The following CLK4 variants were observed in gnomAD, a reference collection of about 807,000 sequenced individuals.
The protein encoded by CLK4 is dual specificity protein kinase CLK4.
CLK4 carries 37 observed loss-of-function variants against 64.4 expected under a neutral mutation model. The observed-to-expected ratio is 0.57, with a 90% CI of 0.44 to 0.76. The LOEUF (loss-of-function observed/expected upper bound fraction) is 0.76, where lower values mean the gene tolerates loss of function less well. Ranked by LOEUF, CLK4 falls within the 30% of genes least tolerant of loss-of-function variation. CLK4 has a pLI of 0.00. For missense variants in CLK4, 457 were observed against 605.1 expected, an observed-to-expected ratio of 0.76 and a Z score of 2.57; for synonymous variants, 175 against 191.6, an observed-to-expected ratio of 0.91 and a Z score of 0.72.
chr5:178,622,064 C>T (rs964322189), intron 2 of CLK4: 2 of 152,100 alleles, frequency 1.3e-5, no homozygotes, highest in Non-Finnish European at 1.5e-5. Context: ...ATCATGTTTA[C>T]GTAGTTAACT....
chr5:178,611,221 T>C (rs181778958), intron 9 of CLK4, among the ~76,000 whole-genome samples: 1 of 152,260 alleles, frequency 6.6e-6, no homozygotes, highest in Non-Finnish European at 1.5e-5. Flanking sequence ...AAATGAGGAA[T>C]CTATTGCCTT....
At chr5:178,623,144 T>G (rs1459264037) in intron 2 of CLK4, 112 bp downstream of exon 2, 2 of 1,063,366 alleles carry the variant, frequency 1.9e-6, no homozygotes, top group East Asian at 4.9e-5. Context: ...TCTAAACGAA[T>G]ATTTGTTGAC....
At chr5:178,614,232 G>A (rs557468499) in intron 5 of CLK4, among the ~76,000 whole-genome samples, 27 of 152,290 alleles carry the variant, frequency 1.8e-4, no homozygotes, top group Non-Finnish European at 3.4e-4. Context: ...ATTAAAAGAC[G>A]GGGTGTGTCC....
At chr5:178,621,365 T>A (rs2113813834) in intron 2 of CLK4, among the ~76,000 whole-genome samples, 1 of 152,252 alleles carries the variant, frequency 6.6e-6, no homozygotes, top group Non-Finnish European at 1.5e-5. Flanking sequence ...GCCACATCAG[T>A]CTTTCTAATG....
chr5:178,604,566 T>C (rs1273298546), intron 11 of CLK4: 2 of 152,056 alleles, frequency 1.3e-5, no homozygotes, highest in Non-Finnish European at 2.9e-5. Context: ...GGAGGGATGA[T>C]GGTTTGGAAT....
intron 2 of CLK4, chr5:178,620,331 A>C (rs368731033): frequency 1.3e-4 from 30 of 239,872 alleles, no homozygotes; most frequent in East Asian, 7.6e-4. Context: ...TCCTTCTATT[A>C]GAAAAAACTA....
intron 7 of CLK4, among the ~76,000 whole-genome samples, chr5:178,613,202 A>G (rs1764581418): frequency 6.6e-6 from 1 of 152,162 alleles, no homozygotes; most frequent in Admixed American, 6.5e-5. Context: ...GGGGGCAATC[A>G]CAAGGTCAGG....
chr5:178,620,037 AG>A, intron 2 of CLK4: 4 of 365,918 alleles, frequency 1.1e-5, no homozygotes, highest in Non-Finnish European at 2.3e-5. Context: ...TCTTTTTCCC[AG>A]GGGGCTGGTT....
At chr5:178,610,483 T>C (rs1009819517) in intron 9 of CLK4, among the ~76,000 whole-genome samples, 26 of 152,110 alleles carry the variant, frequency 1.7e-4, no homozygotes, top group African/African-American at 6.3e-4. Context: ...CCAATTGCAT[T>C]ATGCCTTCAT....
chr5:178,623,692 G>A (rs986761847), intron 1 of CLK4, among the ~76,000 whole-genome samples: 1 of 150,748 alleles, frequency 6.6e-6, no homozygotes, highest in African/African-American at 2.4e-5. Flanking sequence ...TCAGCTTGGT[G>A]CTTGTCTTCA....
At chr5:178,613,899 T>C (rs1386470082) in intron 5 of CLK4, 56 bp from the exon 6 acceptor site, 19 of 1,291,004 alleles carry the variant, frequency 1.5e-5, no homozygotes, top group Non-Finnish European at 2.1e-5. Flanking sequence ...GCTGAAGCCA[T>C]GTTATGCTCT....
chr5:178,620,991 C>A (rs757096974), intron 2 of CLK4, among the ~76,000 whole-genome samples: 8 of 152,118 alleles, frequency 5.3e-5, no homozygotes, highest in Non-Finnish European at 7.3e-5. Flanking sequence ...CTTTTAGCCA[C>A]AATGGCTTAG....
In CLK4 at chr5:178,617,480, A is replaced by G; in HGVS notation, c.385-46T>C. Reference sequence around the variant, plus strand: ...CACCAAGATCGTCCAGCCAATCAATATATCAGAGTGAATTCAGGGCAGAAT... The same window carrying G: ...CACCAAGATCGTCCAGCCAATCAATGTATCAGAGTGAATTCAGGGCAGAAT... On this transcript the variant is annotated intron_variant, in intron 3 of 12. Coordinates refer to ENST00000316308, the MANE Select transcript of CLK4 (RefSeq NM_020666.3). The surrounding 1 kb of genome is among the most constrained non-coding windows in gnomAD (Gnocchi z 5.2). The G allele has an allele frequency of 2.0e-6, 3 of 1,507,844 alleles. No homozygotes were observed. Among genetic ancestry groups the G allele is most frequent in the Non-Finnish European group, 2.8e-6 (3 of 1,085,966 alleles). The allele number at this position is 1,507,844 out of a possible 1,614,324, so 93.4% of individuals were successfully genotyped here. A position where few individuals can be genotyped will look rare whatever the true frequency, so the allele number is the denominator to read the frequency against.
intron 2 of CLK4, chr5:178,619,994 A>G: frequency 2.4e-6 from 1 of 423,456 alleles, no homozygotes; most frequent in East Asian, 7.3e-5. Flanking sequence ...TGCCCTCACC[A>G]ACCCCTTTCC....
At chr5:178,618,161 A>G (rs1484369049) in intron 3 of CLK4, 2 of 152,708 alleles carry the variant, frequency 1.3e-5, no homozygotes, top group Non-Finnish European at 2.9e-5. Flanking sequence ...TCAGGTGTCC[A>G]CCAGTGCAAT....
Position 178,613,510 on chromosome 5 carries a change from G to A in CLK4, c.789C>T (p.Ile263=), listed in dbSNP as rs747355107. 5.0e-6 allele frequency: 8 copies of A among 1,610,254 alleles called. No homozygotes were observed. The South Asian group carries it at 7.8e-5, about 16-fold the overall frequency. The change falls in exon 7 of 13, where the codon ATC becomes ATT. Residue 263 remains isoleucine (I), a synonymous_variant. Coordinates refer to ENST00000316308, the MANE Select transcript of CLK4 (RefSeq NM_020666.3). ...GGCAGATCTGATACGCCATCTGCCTGATGTGGTCAATTTGAAATGGCAGAA... is the reference window on the plus strand; with the variant it reads ...GGCAGATCTGATACGCCATCTGCCTAATGTGGTCAATTTGAAATGGCAGAA... ...NSFLPFQIDH[I]RQMAYQICQS... is the part of the protein sequence containing the mutation.
At chr5:178,623,495 AG>A in intron 1 of CLK4, 79 bp from the exon 2 acceptor site, 1 of 1,216,030 alleles carries the variant, frequency 8.2e-7, no homozygotes, top group Non-Finnish European at 1.1e-6. Flanking sequence ...ATATTATTTA[AG>A]TTATCAAAAC....
In CLK4 at chr5:178,618,613, C is replaced by T; in HGVS notation, c.327G>A (p.Arg109=). Residue 109 remains arginine (R), a synonymous_variant, in exon 3 of 13, where the codon AGG becomes AGA. Coordinates refer to ENST00000316308, the MANE Select transcript of CLK4 (RefSeq NM_020666.3). ...TGCGCTTCCTTTTAGGACTGCTTCT[C>T]CTGCTGCGGACTGAAGATTTACTGC... ...IHCSKSSVRS[R]RSSPKRKRNR... The T allele has an allele frequency of 6.2e-7, 1 of 1,614,068 alleles. No homozygotes were observed. Among genetic ancestry groups the T allele is most frequent in the East Asian group, 2.2e-5 (1 of 44,872 alleles).
intron 10 of CLK4, among the ~76,000 whole-genome samples, chr5:178,606,496 CTT>C (rs556420007): frequency 2.1e-3 from 314 of 152,310 alleles, no homozygotes; most frequent in African/African-American, 6.9e-3. Context: ...CTAAGTGACT[CTT>C]AGCCCATCAT....
Sources: allele counts gnomAD v4.1 joint callset (sites outside exome capture counted in the v4.1 genomes callset), GRCh38; gene constraint gnomAD v4.1.1; non-coding constraint Gnocchi (gnomAD v3.1); transcripts MANE v1.5; gene names NCBI Gene and HGNC (gene_info 2026-07-23, HGNC 2026-07-21).